AGBL4: variants seen among roughly 807,000 people sequenced by gnomAD.
AGBL4 encodes AGBL carboxypeptidase 4, also known as cytosolic carboxypeptidase 6.
Under a neutral mutation model 66.4 loss-of-function variants are expected in AGBL4, and 58 were observed. The observed-to-expected ratio is 0.87, with a 90% CI of 0.71 to 1.09. AGBL4 has a LOEUF of 1.09. Ranked by LOEUF, AGBL4 falls within the 50% of genes least tolerant of loss-of-function variation. AGBL4 has a pLI of 0.00. For synonymous variants in AGBL4, 234 were observed against 222.9 expected (o/e 1.05, Z -0.44); for missense variants, 579 against 631.0 (o/e 0.92, Z 0.88).
intron 6 of AGBL4, among the ~76,000 whole-genome samples, chr1:48,791,330 GT>G (rs1645545084): frequency 6.6e-6 from 1 of 152,162 alleles, no homozygotes; most frequent in Non-Finnish European, 1.5e-5. Flanking sequence ...GAGGAGGGGG[GT>G]GGGAGAGGAT....
At position 49,690,326 on chromosome 1, in the gene AGBL4, T is replaced by C. The variant is rs1039001858; in HGVS notation, c.282+6987A>G. Among the ~76,000 whole-genome samples the C allele has an allele frequency of 3.9e-5, 6 of 152,298 alleles. No homozygotes were observed. The East Asian group carries it at 7.7e-4, about 20-fold the overall frequency. On this transcript the variant is annotated intron_variant, in intron 3 of 13. Transcript: ENST00000371839. The stretch of plus-strand genomic sequence containing the variant: ...CCAAACCCACAATATCTCTGAAGTA[T>C]GCCTGTATGTTAAAAGGTTCACAGT...
At chr1:49,536,518 A>G (rs1045429210) in intron 3 of AGBL4, among the ~76,000 whole-genome samples, 1 of 152,228 alleles carries the variant, frequency 6.6e-6, no homozygotes. Flanking sequence ...ATCAAAGAAA[A>G]TACCAACATC....
chr1:49,286,558 T>C (rs1644414541), intron 3 of AGBL4, among the ~76,000 whole-genome samples: 1 of 152,024 alleles, frequency 6.6e-6, no homozygotes, highest in Non-Finnish European at 1.5e-5. Flanking sequence ...AGCATTCTTA[T>C]ACACCAATAA....
chr1:49,898,325 A>G (rs1043662086), intron 1 of AGBL4, among the ~76,000 whole-genome samples: 27 of 152,176 alleles, frequency 1.8e-4, no homozygotes, highest in African/African-American at 6.3e-4. Context: ...AGACATTCTC[A>G]AAAGAAGACA....
intron 6 of AGBL4, among the ~76,000 whole-genome samples, chr1:48,767,374 T>C (rs902466583): frequency 6.6e-6 from 1 of 152,228 alleles, no homozygotes; most frequent in African/African-American, 2.4e-5. Context: ...TATTACCTGT[T>C]TGCCTTTTGT....
intron 6 of AGBL4, among the ~76,000 whole-genome samples, chr1:48,775,885 C>T (rs1429722432): frequency 6.6e-6 from 1 of 152,224 alleles, no homozygotes; most frequent in Non-Finnish European, 1.5e-5. Context: ...GCCCTCAACT[C>T]TCTCATTCAG....
chr1:49,617,518 C>T (rs1455649531), intron 3 of AGBL4, among the ~76,000 whole-genome samples: 2 of 152,146 alleles, frequency 1.3e-5, no homozygotes, highest in Non-Finnish European at 2.9e-5. Context: ...AAAATACAGG[C>T]TTGTGTGATT....
At position 49,583,562 on chromosome 1, in the gene AGBL4, T is replaced by A. The variant is rs145988793; in HGVS notation, c.282+113751A>T. 2.0e-3 allele frequency among the ~76,000 whole-genome samples: 301 copies of A among 152,214 alleles called. 1 individual carries two copies. The highest frequency in any genetic ancestry group is 6.5e-3 in the African/African-American group (268 of 41,530). ...GATTAGCATCAGAAATGGGGGGCAG[T>A]CTTATGGGTCTGAGCTCATAATCTG... On this transcript the variant is annotated intron_variant, in intron 3 of 13. Coordinates refer to ENST00000371839, the MANE Select transcript of AGBL4 (RefSeq NM_032785.4).
intron 2 of AGBL4, among the ~76,000 whole-genome samples, chr1:49,731,869 A>G (rs1649479803): frequency 6.6e-6 from 1 of 152,234 alleles, no homozygotes; most frequent in Non-Finnish European, 1.5e-5. Flanking sequence ...AGTTTCTTAA[A>G]GGTATACAAA....
intron 3 of AGBL4, among the ~76,000 whole-genome samples, chr1:49,360,409 T>C (rs749825391): frequency 1.4e-4 from 21 of 152,236 alleles, no homozygotes; most frequent in Non-Finnish European, 2.8e-4. Flanking sequence ...TATCTAATAA[T>C]TCATTCCCAC....
intron 1 of AGBL4, among the ~76,000 whole-genome samples, chr1:49,859,105 G>A (rs1420927635): frequency 6.6e-6 from 1 of 152,050 alleles, no homozygotes; most frequent in African/African-American, 2.4e-5. Flanking sequence ...CCTTCAATAC[G>A]ACTATTTCAG....
At chr1:49,584,202 A>G (rs34469945) in intron 3 of AGBL4, among the ~76,000 whole-genome samples, 71,197 of 152,036 alleles carry the variant, frequency 0.47, 18,007 homozygotes, top group Non-Finnish European at 0.57. Context: ...CCCTCTCCCA[A>G]TGCTTTTTAT....
intron 3 of AGBL4, among the ~76,000 whole-genome samples, chr1:49,357,861 C>T (rs1644052021): frequency 6.6e-6 from 1 of 152,170 alleles, no homozygotes; most frequent in Non-Finnish European, 1.5e-5. Context: ...ATTCATACAG[C>T]ATTACACTCA....
chr1:49,358,903 T>G (rs1375643489), intron 3 of AGBL4, among the ~76,000 whole-genome samples: 2 of 152,234 alleles, frequency 1.3e-5, no homozygotes, highest in African/African-American at 2.4e-5. Context: ...CCTACTACAG[T>G]TTATATGGGT....
At chr1:49,665,005 C>A (rs138452919) in intron 3 of AGBL4, among the ~76,000 whole-genome samples, 209 of 152,172 alleles carry the variant, frequency 1.4e-3, no homozygotes, top group African/African-American at 4.8e-3. Context: ...ATTTGGAAAC[C>A]TTAGTAACTA....
At chr1:49,151,525 C>A in intron 4 of AGBL4, among the ~76,000 whole-genome samples, 1 of 148,692 alleles carries the variant, frequency 6.7e-6, no homozygotes, top group Non-Finnish European at 1.5e-5. Context: ...ACTGTCATTG[C>A]GTGCTTCAGT....
intron 3 of AGBL4, among the ~76,000 whole-genome samples, chr1:49,246,271 T>C (rs1222862621): frequency 1.3e-5 from 2 of 152,016 alleles, no homozygotes. Context: ...TAAGTTTTAG[T>C]TATTAAGTGT....
At chr1:49,773,920 T>C (rs1644130145) in intron 2 of AGBL4, among the ~76,000 whole-genome samples, 1 of 152,172 alleles carries the variant, frequency 6.6e-6, no homozygotes, top group South Asian at 2.1e-4. Context: ...AGTCATTCCT[T>C]TGGGCCTAGG....
At chr1:49,937,872 A>T (rs1654267011) in intron 1 of AGBL4, among the ~76,000 whole-genome samples, 1 of 152,218 alleles carries the variant, frequency 6.6e-6, no homozygotes, top group Admixed American at 6.5e-5. Flanking sequence ...TTATAGCACT[A>T]AATCCCCACA....
Sources: allele counts gnomAD v4.1 joint callset (sites outside exome capture counted in the v4.1 genomes callset), GRCh38; gene constraint gnomAD v4.1.1; transcripts MANE v1.5; gene names NCBI Gene and HGNC (gene_info 2026-07-23, HGNC 2026-07-21).